Variants in PDE3B observed in about 807,000 individuals in gnomAD.
PDE3B encodes the protein phosphodiesterase 3B.
In PDE3B, 66 loss-of-function variants were observed where a neutral mutation model predicts 116.8. The ratio of observed to expected loss-of-function variants is 0.56; its 90% CI spans 0.46 to 0.69. PDE3B has a LOEUF of 0.69. Among genes scored for constraint, PDE3B ranks in the 30% least tolerant of loss-of-function variants. The pLI is 0.00. For synonymous variants in PDE3B, 595 were observed against 533.6 expected (o/e 1.12, Z -1.59); for missense variants, 1,384 against 1,368.1 (o/e 1.01, Z -0.18).
intron 1 of PDE3B, among the ~76,000 whole-genome samples, chr11:14,724,412 A>G (rs1393926250): frequency 6.6e-6 from 1 of 152,196 alleles, no homozygotes; most frequent in Non-Finnish European, 1.5e-5. Flanking sequence ...AAAGATGTAC[A>G]GGTTGAACAT....
the PDE3B span, among the ~76,000 whole-genome samples, chr11:14,888,867 C>T: frequency 6.6e-6 from 1 of 152,128 alleles, no homozygotes; most frequent in Non-Finnish European, 1.5e-5. Flanking sequence ...AGTCCATTAC[C>T]TGAAAATAAT....
At chr11:14,823,814 G>A (rs891212662) in intron 7 of PDE3B, among the ~76,000 whole-genome samples, 1 of 152,154 alleles carries the variant, frequency 6.6e-6, no homozygotes, top group African/African-American at 2.4e-5. Flanking sequence ...TGTTACTTGG[G>A]TTTCCAATCT....
At chr11:14,683,831 A>G (rs954900328) in intron 1 of PDE3B, among the ~76,000 whole-genome samples, 5 of 152,166 alleles carry the variant, frequency 3.3e-5, no homozygotes, top group African/African-American at 1.2e-4. Flanking sequence ...TCTAAGCACT[A>G]TGCTAGCTGT....
intron 4 of PDE3B, among the ~76,000 whole-genome samples, chr11:14,791,516 C>T (rs1858390882): frequency 6.6e-6 from 1 of 152,102 alleles, no homozygotes; most frequent in Non-Finnish European, 1.5e-5. Flanking sequence ...TCTTTGCATC[C>T]TGTTACCTTA....
Position 14,870,951 on chromosome 11 carries a change from G to A in PDE3B, c.*1291G>A, listed in dbSNP as rs1358338258. 2.0e-5 allele frequency: 3 copies of A among 152,134 alleles called. No homozygotes were observed. Among genetic ancestry groups the A allele is most frequent in the Non-Finnish European group, 4.4e-5 (3 of 68,014 alleles). 9.4% of individuals were successfully genotyped at this position (152,134 alleles called of 1,614,324 possible). ...TGTAAACTTGCTAGTGTGTGGATAT[G>A]TACCCTACTTGTGAAATACATTTGA... is the stretch of plus-strand genomic sequence containing the variant. On this transcript the variant is annotated 3_prime_UTR_variant, in exon 16 of 16. Coordinates refer to ENST00000282096, the MANE Select transcript of PDE3B (RefSeq NM_000922.4). This position sits in a 1 kb window ranked among gnomAD's most constrained non-coding sequence, Gnocchi z 4.1.
At chr11:14,772,042 A>G (rs1010607302) in intron 2 of PDE3B, 55 bp downstream of exon 2, 2 of 768,376 alleles carry the variant, frequency 2.6e-6, no homozygotes, top group Non-Finnish European at 4.3e-6. Context: ...TGATCACTAA[A>G]TAATATCTGT....
chr11:14,853,559 A>G (rs1798768288), intron 12 of PDE3B, among the ~76,000 whole-genome samples: 1 of 152,206 alleles, frequency 6.6e-6, no homozygotes, highest in African/African-American at 2.4e-5. Flanking sequence ...TTAAGTAACA[A>G]AGTAGGTTCT....
chr11:14,685,525 G>A (rs998554206), intron 1 of PDE3B, among the ~76,000 whole-genome samples: 19 of 136,150 alleles, frequency 1.4e-4, no homozygotes, highest in South Asian at 4.8e-4. Flanking sequence ...GCACAATCTC[G>A]GCTCCCTGAA....
chr11:14,756,244 A>G (rs1218877845), intron 1 of PDE3B, among the ~76,000 whole-genome samples: 3 of 152,200 alleles, frequency 2.0e-5, no homozygotes, highest in Non-Finnish European at 4.4e-5. Context: ...AAGATATATT[A>G]TAATCTAGTT....
chr11:14,891,988 T>C, the PDE3B span: 1 of 1,613,262 alleles, frequency 6.2e-7, no homozygotes, highest in East Asian at 2.2e-5. Flanking sequence ...TACCTCTCCG[T>C]ACACCTGGCT....
rs2133963119 is a variant in PDE3B at position 14,831,730 on chromosome 11, G to C, written c.2047G>C (p.Glu683Gln). ...GAGCAACTGGAATTTTCCAATTTTT[G>C]AACTTGTAGAAAAGATGGGAGAGAA... is the stretch of plus-strand genomic sequence containing the variant. ...KMSNWNFPIFELVEKMGEKSG... is the reference protein window; with the variant it reads ...KMSNWNFPIFQLVEKMGEKSG... Residue 683 changes from glutamate to glutamine, a missense_variant, in exon 9 of 16, where the codon GAA (glutamate) becomes CAA (glutamine). Glu to Gln is a conservative substitution (Grantham distance 29, BLOSUM62 2). Coordinates refer to ENST00000282096, the MANE Select transcript of PDE3B (RefSeq NM_000922.4). 1 of 1,606,092 alleles carries C rather than the reference G, an allele frequency of 6.2e-7. No individual in the cohort carries two copies. The highest frequency in any genetic ancestry group is 8.5e-7 in the Non-Finnish European group (1 of 1,174,728).
intron 12 of PDE3B, among the ~76,000 whole-genome samples, chr11:14,846,269 C>T (rs1164324243): frequency 2.6e-5 from 4 of 152,084 alleles, no homozygotes; most frequent in African/African-American, 4.8e-5. Flanking sequence ...AAATAAAATA[C>T]TTTACAGACA....
intron 1 of PDE3B, among the ~76,000 whole-genome samples, chr11:14,672,404 G>T (rs941534424): frequency 3.9e-5 from 6 of 152,062 alleles, no homozygotes; most frequent in Non-Finnish European, 8.8e-5. Flanking sequence ...AATGTAGTTT[G>T]TATACAGTTT....
chr11:14,722,802 AT>A (rs1856162725), intron 1 of PDE3B, among the ~76,000 whole-genome samples: 1 of 152,162 alleles, frequency 6.6e-6, no homozygotes, highest in South Asian at 2.1e-4. Flanking sequence ...GAGATAAAAA[AT>A]GTTTGTTGTT....
intron 1 of PDE3B, chr11:14,674,436 C>T: frequency 1.6e-6 from 1 of 631,120 alleles, no homozygotes; most frequent in South Asian, 1.4e-5. Context: ...TAAAGTATTT[C>T]ACTTGTTTGT....
intron 1 of PDE3B, among the ~76,000 whole-genome samples, chr11:14,698,249 A>G (rs1362123521): frequency 6.6e-6 from 1 of 151,986 alleles, no homozygotes; most frequent in East Asian, 1.9e-4. Context: ...TAAAAAAACG[A>G]TAAATGAATG....
At chr11:14,845,526 C>A (rs879116738) in intron 12 of PDE3B, among the ~76,000 whole-genome samples, 1 of 151,496 alleles carries the variant, frequency 6.6e-6, no homozygotes, top group Non-Finnish European at 1.5e-5. Context: ...AGGCTTCAGA[C>A]GATCAAATTA....
At chr11:14,804,727 T>C (rs771550167) in intron 5 of PDE3B, among the ~76,000 whole-genome samples, 4 of 152,100 alleles carry the variant, frequency 2.6e-5, no homozygotes, top group Non-Finnish European at 4.4e-5. Context: ...TATATGATAT[T>C]GATGCTGTAT....
chr11:14,648,288 G>C (rs1179391230), intron 1 of PDE3B, among the ~76,000 whole-genome samples: 1 of 151,952 alleles, frequency 6.6e-6, no homozygotes. Flanking sequence ...AAATGGTTAG[G>C]TAAATATTTA....
Sources: gnomAD v4.1 joint callset for allele counts (sites outside exome capture counted in the v4.1 genomes callset) on GRCh38, gnomAD v4.1.1 for gene constraint, Gnocchi (gnomAD v3.1) non-coding constraint, MANE v1.5 for transcripts, NCBI Gene and HGNC (gene_info 2026-07-23, HGNC 2026-07-21) for gene names.